Variants in PI4KA observed in about 807,000 individuals in gnomAD.
The protein encoded by PI4KA is PI4-kinase alpha.
A neutral mutation model predicts 271.4 loss-of-function variants in PI4KA; 122 were observed. The observed-to-expected ratio is 0.45, with a 90% CI of 0.39 to 0.52. The LOEUF is 0.52. PI4KA is among the 20% of genes least tolerant of loss of function. PI4KA has a pLI of 0.00. For synonymous variants in PI4KA, 1,041 were observed against 1,078.8 expected (o/e 0.96, Z 0.69); for missense variants, 1,969 against 2,769.1 (o/e 0.71, Z 6.48).
chr22:20,742,250 C>T lies in PI4KA; in HGVS notation c.3719G>A (p.Gly1240Asp). Residue 1240 changes from glycine to aspartate, a missense_variant, in exon 32 of 55, where the codon GGC becomes GAC. Gly to Asp is a moderately conservative substitution (Grantham distance 94). Coordinates refer to ENST00000255882, the MANE Select transcript of PI4KA (RefSeq NM_058004.4). ...ALACWEWLLA[G>D]KDGVEVPFMR... ...TACCGGCACTTCCACTCCATCCTTG[C>T]CAGCCAGCAGCCACTCCCAGCAGGC... 1 of 1,614,120 alleles carries T rather than the reference C, an allele frequency of 6.2e-7. No individual in the cohort carries two copies. Among genetic ancestry groups the T allele is most frequent in the Non-Finnish European group, 8.5e-7 (1 of 1,179,990 alleles).
At position 20,739,037 on chromosome 22, in the gene PI4KA, CAAAAAAAAAAA is replaced by C; in HGVS notation, c.3741+3180_3741+3190del. ...CTAACAAAGTCAGGAGACTCAGTCA[CAAAAAAAAAAA>C]AAAAAAAAAGCAACTGGCTGGGCGC... On this transcript the variant is annotated intron_variant, in intron 32 of 54. Coordinates refer to ENST00000255882, the MANE Select transcript of PI4KA (RefSeq NM_058004.4). Among the ~76,000 whole-genome samples the C allele has an allele frequency of 6.6e-5, 3 of 45,632 alleles. No homozygotes were observed. The South Asian group carries it at 2.5e-3, about 39-fold the overall frequency. The allele number at this position is 45,632 out of a possible 152,430, so 29.9% of individuals were successfully genotyped here.
At chr22:20,772,128 C>T (rs1932900808) in intron 19 of PI4KA, among the ~76,000 whole-genome samples, 1 of 152,212 alleles carries the variant, frequency 6.6e-6, no homozygotes. Flanking sequence ...TAATGTATCT[C>T]ATTTAATTTT....
intron 10 of PI4KA, among the ~76,000 whole-genome samples, chr22:20,806,183 T>C (rs1331521588): frequency 6.6e-6 from 1 of 152,172 alleles, no homozygotes; most frequent in Admixed American, 6.5e-5. Flanking sequence ...TGGTATACCT[T>C]CCTGACAAAA....
chr22:20,733,409 G>A (rs562388570), intron 35 of PI4KA, among the ~76,000 whole-genome samples: 1 of 149,546 alleles, frequency 6.7e-6, no homozygotes, highest in African/African-American at 2.5e-5. Context: ...CAGAGCCCCA[G>A]GCAGTGGGTG....
At chr22:20,818,016 T>C (rs1427317774) in intron 7 of PI4KA, among the ~76,000 whole-genome samples, 3 of 152,030 alleles carry the variant, frequency 2.0e-5, no homozygotes, top group Admixed American at 6.6e-5. Flanking sequence ...TCCCAGCTAC[T>C]TGGGAGGCTG....
rs774215022 is a variant in PI4KA at position 20,751,731 on chromosome 22, C to A, written c.3012G>T (p.Gly1004=). 6.2e-7 allele frequency: 1 copy of A among 1,614,082 alleles called. No individual in the cohort carries two copies. The highest frequency in any genetic ancestry group is 8.5e-7 in the Non-Finnish European group (1 of 1,179,976). ...TGTCCAGCATGGTCTTCAGCACAGT[C>A]CCGCTCCAGAGCAAGTGGGGAAACC... The part of the protein sequence containing the change: ...VDKFPHLLWS[G]TVLKTMLDIL... Residue 1004 remains glycine, a synonymous_variant, in exon 26 of 55, where the codon GGG becomes GGT. Transcript: ENST00000255882.
intron 22 of PI4KA, among the ~76,000 whole-genome samples, chr22:20,763,398 C>A (rs187238415): frequency 1.6e-3 from 250 of 151,724 alleles, no homozygotes; most frequent in African/African-American, 5.8e-3. Context: ...GAGTGAGCCA[C>A]TGCAACCGGC....
At chr22:20,794,111 A>G (rs1934825414) in intron 18 of PI4KA, among the ~76,000 whole-genome samples, 1 of 152,236 alleles carries the variant, frequency 6.6e-6, no homozygotes, top group East Asian at 1.9e-4. Context: ...AATTTTTTTG[A>G]AAATTTAAAA....
rs1183765605 is a variant in PI4KA, at chr22:20,732,975, G to A, written c.4284C>T (p.Pro1428=). Residue 1428 remains proline (P), a synonymous_variant, in exon 36 of 55, where the codon CCC becomes CCT. Transcript: ENST00000255882. The part of the protein sequence containing the change: ...KKYLTASQLV[P]PDNQDTRSNL... Reference sequence around the variant, plus strand: ...AGCTGCACTGTTGAGGGTTACCTGGGGGAACAAGCTGGCTGGCGGTCAGGT... The same window carrying A: ...AGCTGCACTGTTGAGGGTTACCTGGAGGAACAAGCTGGCTGGCGGTCAGGT... The A allele has an allele frequency of 1.2e-6, 2 of 1,611,554 alleles. No individual in the cohort carries two copies. Among genetic ancestry groups the A allele is most frequent in the Non-Finnish European group, 8.5e-7 (1 of 1,179,464 alleles).
At chr22:20,749,677 G>A (rs544674765) in intron 28 of PI4KA, among the ~76,000 whole-genome samples, 15 of 152,366 alleles carry the variant, frequency 9.8e-5, no homozygotes, top group African/African-American at 3.6e-4. Flanking sequence ...CTCACCTGGT[G>A]TGAGCCGTCA....
chr22:20,843,622 G>A lies in PI4KA; in HGVS notation c.157-4891C>T, dbSNP rs116925042. ...ACAACTCCCAAACATATGAAGAAGT[G>A]TAGGTCTAAGGTCAGGAGAGGTTGC... On this transcript the variant is annotated intron_variant, in intron 1 of 54. Transcript: ENST00000255882. Among the ~76,000 whole-genome samples, 610 of 152,344 alleles carry A rather than the reference G, an allele frequency of 4.0e-3. 12 individuals carry two copies. Among genetic ancestry groups the A allele is most frequent in the East Asian group, 0.024 (123 of 5,182 alleles).
intron 19 of PI4KA, among the ~76,000 whole-genome samples, chr22:20,772,072 A>G (rs1932898284): frequency 6.6e-6 from 1 of 152,228 alleles, no homozygotes; most frequent in Non-Finnish European, 1.5e-5. Flanking sequence ...CTTTCCACAC[A>G]TTCATTAACC....
intron 22 of PI4KA, among the ~76,000 whole-genome samples, chr22:20,763,737 G>A (rs1404363935): frequency 6.6e-6 from 1 of 152,142 alleles, no homozygotes; most frequent in Non-Finnish European, 1.5e-5. Flanking sequence ...ACCACATCCA[G>A]CCAAAATAAA....
At chr22:20,822,823 C>T (rs1398208608) in intron 4 of PI4KA, among the ~76,000 whole-genome samples, 2 of 152,240 alleles carry the variant, frequency 1.3e-5, no homozygotes, top group Non-Finnish European at 2.9e-5. Context: ...TGTGACATGA[C>T]TTGTTCATAA....
At chr22:20,827,898 G>A (rs1358950317) in intron 3 of PI4KA, among the ~76,000 whole-genome samples, 1 of 152,058 alleles carries the variant, frequency 6.6e-6, no homozygotes, top group African/African-American at 2.4e-5. Context: ...AGGTTCAAGC[G>A]ATTCTCCTGC....
chr22:20,825,689 A>C (rs1923315247), intron 3 of PI4KA, among the ~76,000 whole-genome samples: 1 of 152,250 alleles, frequency 6.6e-6, no homozygotes, highest in African/African-American at 2.4e-5. Flanking sequence ...AGAAATGATG[A>C]AAACCCAAAG....
intron 4 of PI4KA, among the ~76,000 whole-genome samples, chr22:20,823,561 T>C (rs1922988146): frequency 1.3e-5 from 2 of 152,220 alleles, no homozygotes; most frequent in South Asian, 2.1e-4. Context: ...AAGTATGAAA[T>C]ACATGTTTGT....
In PI4KA at chr22:20,833,029, A is replaced by C. The variant is rs181640912; in HGVS notation, c.367+1533T>G. On this transcript the variant is annotated intron_variant, in intron 3 of 54. Transcript: ENST00000255882. ...TATCTTCATTGGCTAATGTTCTTTC[A>C]ATCTTTGAAGCTGCTGTCCTTTGGA... 9.2e-5 allele frequency among the ~76,000 whole-genome samples: 14 copies of C among 152,166 alleles called. No homozygotes were observed. In the East Asian group the frequency reaches 2.7e-3, roughly 29 times the overall value.
intron 42 of PI4KA, 144 bp downstream of exon 42, chr22:20,726,344 G>A: frequency 1.7e-6 from 1 of 591,866 alleles, no homozygotes; most frequent in Non-Finnish European, 2.8e-6. Flanking sequence ...AGGGCCTGGG[G>A]TAGGGGGAGC....
Sources: allele counts gnomAD v4.1 joint callset (sites outside exome capture counted in the v4.1 genomes callset), GRCh38; gene constraint gnomAD v4.1.1; transcripts MANE v1.5; gene names NCBI Gene and HGNC (gene_info 2026-07-23, HGNC 2026-07-21).